The following FSTL5 variants were observed in gnomAD, a reference collection of about 807,000 sequenced individuals.
FSTL5 encodes follistatin-related protein 5.
FSTL5 carries 62 observed loss-of-function variants against 89.1 expected under a neutral mutation model. That is an observed-to-expected ratio of 0.70 (90% confidence interval 0.57 to 0.86). The LOEUF is 0.86. FSTL5 is among the 40% of genes least tolerant of loss of function. The probability of loss-of-function intolerance (pLI) is 0.00; values close to 1 mark genes in which losing one functional copy is unlikely to be tolerated. For synonymous variants in FSTL5, 383 were observed against 346.2 expected (o/e 1.11, Z -1.18); for missense variants, 1,057 against 1,001.6 (o/e 1.06, Z -0.75).
intron 4 of FSTL5, among the ~76,000 whole-genome samples, chr4:161,854,304 T>G (rs1372996877): frequency 6.6e-6 from 1 of 152,190 alleles, no homozygotes; most frequent in Non-Finnish European, 1.5e-5. Context: ...AAAGGGCTTC[T>G]GCCATGCAAT....
intron 6 of FSTL5, among the ~76,000 whole-genome samples, chr4:161,684,530 C>A (rs1365696193): frequency 6.6e-6 from 1 of 152,134 alleles, no homozygotes. Context: ...TGATGTTGAG[C>A]ATTTTTTCAT....
At chr4:161,661,791 CTTTGT>C (rs1277501901) in intron 6 of FSTL5, among the ~76,000 whole-genome samples, 1 of 152,100 alleles carries the variant, frequency 6.6e-6, no homozygotes, top group Non-Finnish European at 1.5e-5. Context: ...GATCTAGAAA[CTTTGT>C]TTTGGTAACA....
rs146509045 is a variant in FSTL5 at position 161,519,180 on chromosome 4, G to C, written c.1313-8756C>G. On this transcript the variant is annotated intron_variant, in intron 10 of 15. Transcript: ENST00000306100. ...GACATTTACTGTTTCAACGTGGGAA[G>C]AGATTGCAAGGGTGTGTATTGCAAG... is the stretch of plus-strand genomic sequence containing the variant. Among the ~76,000 whole-genome samples, 255 of 152,312 alleles carry C rather than the reference G, an allele frequency of 1.7e-3. 1 individual carries two copies. Among genetic ancestry groups the C allele is most frequent in the African/African-American group, 5.8e-3 (239 of 41,564 alleles).
At chr4:161,822,024 T>G (rs1730510021) in intron 4 of FSTL5, among the ~76,000 whole-genome samples, 1 of 152,180 alleles carries the variant, frequency 6.6e-6, no homozygotes, top group Non-Finnish European at 1.5e-5. Context: ...TTTTTCATAG[T>G]GGTTGTACTA....
chr4:161,828,297 A>G (rs1319456351), intron 4 of FSTL5, among the ~76,000 whole-genome samples: 2 of 151,874 alleles, frequency 1.3e-5, no homozygotes. Flanking sequence ...TTGAGCATTT[A>G]CAGTTTTGGG....
chr4:161,417,358 C>G (rs145434673), intron 15 of FSTL5, among the ~76,000 whole-genome samples: 1 of 152,176 alleles, frequency 6.6e-6, no homozygotes, highest in Non-Finnish European at 1.5e-5. Flanking sequence ...CTTTTAATCA[C>G]GCCATTCATA....
At chr4:162,089,647 A>G (rs1031000208) in intron 2 of FSTL5, among the ~76,000 whole-genome samples, 26 of 125,584 alleles carry the variant, frequency 2.1e-4, no homozygotes, top group Admixed American at 6.0e-4. Context: ...AAAAAAAAAA[A>G]AAAGAAAAAA....
chr4:162,077,943 T>C (rs1182602721), intron 2 of FSTL5, among the ~76,000 whole-genome samples: 3 of 151,884 alleles, frequency 2.0e-5, no homozygotes, highest in Admixed American at 6.6e-5. Flanking sequence ...TCTTTAATAA[T>C]GTCCCTTGAA....
chr4:162,064,039 A>T (rs1244593982), intron 2 of FSTL5, among the ~76,000 whole-genome samples: 1 of 151,500 alleles, frequency 6.6e-6, no homozygotes, highest in Non-Finnish European at 1.5e-5. Context: ...CCTTACTTAC[A>T]TTTTTTTTCT....
intron 4 of FSTL5, among the ~76,000 whole-genome samples, chr4:161,873,151 G>A (rs1308645483): frequency 6.6e-6 from 1 of 152,152 alleles, no homozygotes; most frequent in African/African-American, 2.4e-5. Flanking sequence ...AAGAAGCAAG[G>A]AGTGTAGCCT....
intron 2 of FSTL5, among the ~76,000 whole-genome samples, chr4:162,103,973 C>CCT (rs1731105728): frequency 6.6e-6 from 1 of 152,184 alleles, no homozygotes; most frequent in South Asian, 2.1e-4. Context: ...GGGTCCCCTC[C>CCT]CTTTGTATGG....
At chr4:161,510,346 TA>T in intron 11 of FSTL5, 51 bp downstream of exon 11, 1 of 1,133,516 alleles carries the variant, frequency 8.8e-7, no homozygotes, top group Non-Finnish European at 1.3e-6. Flanking sequence ...TCAACAAATC[TA>T]ATAATAATCA....
At chr4:161,999,613 A>G (rs1485358637) in intron 3 of FSTL5, among the ~76,000 whole-genome samples, 1 of 152,224 alleles carries the variant, frequency 6.6e-6, no homozygotes, top group African/African-American at 2.4e-5. Context: ...CTGGAAAATC[A>G]CAATACCTTA....
intron 2 of FSTL5, among the ~76,000 whole-genome samples, chr4:162,056,403 G>A (rs1482404628): frequency 6.6e-6 from 1 of 151,268 alleles, no homozygotes; most frequent in Admixed American, 6.6e-5. Context: ...TATTCTTGGA[G>A]ATAGCAAATC....
At position 161,542,053 on chromosome 4, in the gene FSTL5, T is replaced by A. The variant is rs1012824404; in HGVS notation, c.1177+479A>T. ...AGAATGTAACACAAACTTTAAAAAA[T>A]GTAAATGGAAAACATTTAGTAACTT... On this transcript the variant is annotated intron_variant, in intron 9 of 15. Transcript: ENST00000306100. 3.3e-5 allele frequency among the ~76,000 whole-genome samples: 5 copies of A among 152,056 alleles called. No individual in the cohort carries two copies. In the East Asian group the frequency reaches 7.7e-4, roughly 23 times the overall value.
chr4:162,068,425 A>T (rs1006671897), intron 2 of FSTL5, among the ~76,000 whole-genome samples: 2 of 152,152 alleles, frequency 1.3e-5, no homozygotes, highest in South Asian at 2.1e-4. Context: ...ATCTTCGACA[A>T]ACCTATCAAA....
chr4:161,493,906 C>T (rs1322402159), intron 12 of FSTL5, among the ~76,000 whole-genome samples: 2 of 152,076 alleles, frequency 1.3e-5, no homozygotes, highest in Admixed American at 1.3e-4. Flanking sequence ...TGCTATGTAA[C>T]TCCATTAGAT....
intron 15 of FSTL5, among the ~76,000 whole-genome samples, chr4:161,428,597 T>C (rs1732244315): frequency 6.6e-6 from 1 of 152,112 alleles, no homozygotes; most frequent in Non-Finnish European, 1.5e-5. Flanking sequence ...CGCTCCTGGA[T>C]GACATTTCTA....
intron 4 of FSTL5, among the ~76,000 whole-genome samples, chr4:161,914,353 T>G (rs1197674013): frequency 1.3e-5 from 2 of 152,156 alleles, no homozygotes; most frequent in African/African-American, 4.8e-5. Context: ...GATTTGAATG[T>G]TAAAGTTAAT....
Sources: gnomAD v4.1 joint callset for allele counts (sites outside exome capture counted in the v4.1 genomes callset) on GRCh38, gnomAD v4.1.1 for gene constraint, MANE v1.5 for transcripts, NCBI Gene and HGNC (gene_info 2026-07-23, HGNC 2026-07-21) for gene names.